The following FAM168A variants were observed in gnomAD, a reference collection of about 807,000 sequenced individuals.
FAM168A encodes the protein protein FAM168A.
In FAM168A, 3 loss-of-function variants were observed where a neutral mutation model predicts 28.5. The ratio of observed to expected loss-of-function variants is 0.11; its 90% CI spans 0.05 to 0.27. The LOEUF (loss-of-function observed/expected upper bound fraction) is 0.27. Among genes scored for constraint, FAM168A ranks in the 10% least tolerant of loss-of-function variants. The pLI, the probability that FAM168A is intolerant of heterozygous loss-of-function variation, is 1.00. For missense variants in FAM168A, 222 were observed against 311.5 expected, an observed-to-expected ratio of 0.71 and a Z score of 2.16; for synonymous variants, 122 against 124.2, an observed-to-expected ratio of 0.98 and a Z score of 0.12.
At chr11:73,422,364 C>T (rs1028033040) in intron 3 of FAM168A, among the ~76,000 whole-genome samples, 1 of 151,924 alleles carries the variant, frequency 6.6e-6, no homozygotes, top group African/African-American at 2.4e-5. Context: ...TAGTGTTTTC[C>T]GTACGCCTCT....
At chr11:73,490,555 C>T (rs190812735) in intron 1 of FAM168A, among the ~76,000 whole-genome samples, 185 of 152,354 alleles carry the variant, frequency 1.2e-3, no homozygotes, top group African/African-American at 4.2e-3. Flanking sequence ...CTTCAGCCAT[C>T]CTGTTCCCTG....
intron 1 of FAM168A, among the ~76,000 whole-genome samples, chr11:73,572,888 A>T (rs144765371): frequency 1.6e-3 from 242 of 152,286 alleles, no homozygotes; most frequent in Non-Finnish European, 2.7e-3. Context: ...AAATAAATAA[A>T]TAAATAATTA....
intron 1 of FAM168A, among the ~76,000 whole-genome samples, chr11:73,527,256 C>T (rs1943459053): frequency 6.6e-6 from 1 of 152,146 alleles, no homozygotes. Flanking sequence ...ATGGTTCCAT[C>T]TAGATACATG....
At chr11:73,442,650 T>C (rs1867217153) in intron 2 of FAM168A, among the ~76,000 whole-genome samples, 1 of 152,016 alleles carries the variant, frequency 6.6e-6, no homozygotes, top group Non-Finnish European at 1.5e-5. Flanking sequence ...AGAACATACT[T>C]TGGTATGAGT....
chr11:73,568,558 A>G (rs1411382740), intron 1 of FAM168A, among the ~76,000 whole-genome samples: 1 of 152,234 alleles, frequency 6.6e-6, no homozygotes, highest in Non-Finnish European at 1.5e-5. Flanking sequence ...AAGCTAAATG[A>G]AGTATAATGG....
chr11:73,423,986 A>G (rs1313593075), intron 3 of FAM168A, among the ~76,000 whole-genome samples: 1 of 152,222 alleles, frequency 6.6e-6, no homozygotes, highest in Non-Finnish European at 1.5e-5. Flanking sequence ...CCAGGTTCAT[A>G]TATCCTGAGG....
intron 1 of FAM168A, among the ~76,000 whole-genome samples, chr11:73,592,301 A>G (rs564981085): frequency 6.6e-6 from 1 of 152,376 alleles, no homozygotes; most frequent in South Asian, 2.1e-4. Flanking sequence ...GAGTGTCTTC[A>G]TACAGAAAAT....
At chr11:73,559,159 T>G (rs1293933367) in intron 1 of FAM168A, among the ~76,000 whole-genome samples, 10 of 152,272 alleles carry the variant, frequency 6.6e-5, no homozygotes, top group Admixed American at 5.9e-4. Flanking sequence ...CGTAATCCTA[T>G]CACTTTGGGA....
At chr11:73,541,756 C>T (rs182230308) in intron 1 of FAM168A, among the ~76,000 whole-genome samples, 11 of 152,234 alleles carry the variant, frequency 7.2e-5, no homozygotes, top group Non-Finnish European at 2.9e-5. Context: ...ATGAGATAAA[C>T]TTATGAAAAT....
At chr11:73,513,080 C>T (rs1359305869) in intron 1 of FAM168A, among the ~76,000 whole-genome samples, 1 of 152,110 alleles carries the variant, frequency 6.6e-6, no homozygotes, top group African/African-American at 2.4e-5. Context: ...CCATAAGCTC[C>T]TCAACAGTTT....
chr11:73,411,457 G>A lies in FAM168A; in HGVS notation c.357C>T (p.Asn119=). 1 of 1,613,604 alleles carries A rather than the reference G, an allele frequency of 6.2e-7. No individual in the cohort carries two copies. The highest frequency in any genetic ancestry group is 1.1e-5 in the South Asian group (1 of 91,042). ...TTGGATACATGGCCGTCTGATAGGG[G>A]TTGGGTGATGGGGAGTAGGGGGGTG... ...TAPPPYSPSP[N]PYQTAMYPIR... is the part of the protein sequence containing the mutation. The change falls in exon 5 of 8, where the codon AAC becomes AAT. Residue 119 remains asparagine (N), a synonymous_variant. Transcript: ENST00000356467.
intron 1 of FAM168A, among the ~76,000 whole-genome samples, chr11:73,490,980 G>A (rs762665938): frequency 3.0e-4 from 46 of 152,044 alleles, no homozygotes; most frequent in Non-Finnish European, 6.3e-4. Context: ...AATTTGAGAG[G>A]TGCCCCTGTT....
intron 3 of FAM168A, 49 bp from the exon 4 acceptor site, chr11:73,420,048 A>G: frequency 6.2e-7 from 1 of 1,602,878 alleles, no homozygotes; most frequent in South Asian, 1.1e-5. Context: ...AGAAGTGGCC[A>G]CCACCAATCA....
At chr11:73,580,309 A>T in intron 1 of FAM168A, 1 of 570,298 alleles carries the variant, frequency 1.8e-6, no homozygotes, top group Non-Finnish European at 3.5e-6. Flanking sequence ...GTGAAGGATG[A>T]ACCACAGAGA....
At chr11:73,501,206 G>A (rs185072009) in intron 1 of FAM168A, among the ~76,000 whole-genome samples, 1 of 152,284 alleles carries the variant, frequency 6.6e-6, no homozygotes, top group Admixed American at 6.5e-5. Flanking sequence ...AGTTCTTAGA[G>A]ACCTACAAAG....
intron 1 of FAM168A, among the ~76,000 whole-genome samples, chr11:73,559,081 T>G (rs1177516781): frequency 3.3e-5 from 5 of 152,150 alleles, no homozygotes; most frequent in Admixed American, 2.0e-4. Context: ...CTATACAATG[T>G]AATATTACTC....
At chr11:73,461,188 C>T (rs1264975003) in intron 2 of FAM168A, among the ~76,000 whole-genome samples, 1 of 152,122 alleles carries the variant, frequency 6.6e-6, no homozygotes, top group African/African-American at 2.4e-5. Context: ...ACAAGCATGG[C>T]TCACTGAAGC....
intron 1 of FAM168A, among the ~76,000 whole-genome samples, chr11:73,551,371 G>C (rs911898633): frequency 6.6e-6 from 1 of 152,136 alleles, no homozygotes; most frequent in Admixed American, 6.6e-5. Context: ...AATGAGACAG[G>C]AAGTATCTGA....
chr11:73,418,808 CA>C (rs1208531400), intron 4 of FAM168A, among the ~76,000 whole-genome samples: 3 of 141,640 alleles, frequency 2.1e-5, no homozygotes, highest in African/African-American at 8.9e-5. Context: ...TCAGTAATTT[CA>C]TTTTTTTTTT....
Sources: gnomAD v4.1 joint callset for allele counts (sites outside exome capture counted in the v4.1 genomes callset) on GRCh38, gnomAD v4.1.1 for gene constraint, MANE v1.5 for transcripts, NCBI Gene and HGNC (gene_info 2026-07-23, HGNC 2026-07-21) for gene names.